The following REDIC1 variants were observed in gnomAD, a reference collection of about 807,000 sequenced individuals.
The protein encoded by REDIC1 is regulator of DNA class I crossover intermediates 1.
the REDIC1 span, among the ~76,000 whole-genome samples, chr12:39,859,873 A>C: frequency 2.6e-5 from 4 of 152,170 alleles, no homozygotes; most frequent in Admixed American, 2.6e-4. Flanking sequence ...CTAGAGGCAT[A>C]GTCCCTTTTG....
chr12:39,670,973 T>G, the REDIC1 span, among the ~76,000 whole-genome samples: 1 of 152,180 alleles, frequency 6.6e-6, no homozygotes, highest in Non-Finnish European at 1.5e-5. Context: ...ATCTGTGTTC[T>G]TTGTTATCTC....
chr12:39,862,031 C>A, the REDIC1 span, among the ~76,000 whole-genome samples: 51 of 152,198 alleles, frequency 3.4e-4, no homozygotes, highest in Non-Finnish European at 6.3e-4. Context: ...TCCCTTCCCC[C>A]ACCACTGCCC....
the REDIC1 span, among the ~76,000 whole-genome samples, chr12:39,774,617 T>C: frequency 6.6e-6 from 1 of 151,168 alleles, no homozygotes; most frequent in Non-Finnish European, 1.5e-5. Flanking sequence ...GTAATTTTCC[T>C]GCAGAAGATT....
the REDIC1 span, among the ~76,000 whole-genome samples, chr12:39,896,586 A>G: frequency 1.3e-4 from 19 of 151,012 alleles, no homozygotes; most frequent in South Asian, 4.2e-4. Context: ...GTGTGTATAT[A>G]TGTATACATA....
the REDIC1 span, among the ~76,000 whole-genome samples, chr12:39,902,258 T>C: frequency 2.0e-5 from 3 of 151,172 alleles, no homozygotes; most frequent in Admixed American, 6.6e-5. Flanking sequence ...AATTAATGGG[T>C]GCAGCACACC....
At chr12:39,748,394 A>G in the REDIC1 span, among the ~76,000 whole-genome samples, 1 of 152,222 alleles carries the variant, frequency 6.6e-6, no homozygotes, top group African/African-American at 2.4e-5. Context: ...TATGCACCCA[A>G]TACAGGAGCA....
At chr12:39,757,849 A>G in the REDIC1 span, 1 of 152,286 alleles carries the variant, frequency 6.6e-6, no homozygotes, top group Non-Finnish European at 1.5e-5. Context: ...ATAAGTATAT[A>G]GTTAGTTAAG....
At chr12:39,896,827 G>A in the REDIC1 span, among the ~76,000 whole-genome samples, 5 of 152,058 alleles carry the variant, frequency 3.3e-5, no homozygotes, top group Non-Finnish European at 7.4e-5. Context: ...TCTGTCAATA[G>A]TGTGACAAAA....
chr12:39,639,877 T>C, the REDIC1 span, among the ~76,000 whole-genome samples: 1 of 152,072 alleles, frequency 6.6e-6, no homozygotes, highest in South Asian at 2.1e-4. Flanking sequence ...TTTGAGACCA[T>C]AGTGTTATGC....
chr12:39,712,163 T>TACATGTATATATACCTGTATGTATATGC, the REDIC1 span, among the ~76,000 whole-genome samples: 1 of 144,222 alleles, frequency 6.9e-6, no homozygotes, highest in Non-Finnish European at 1.5e-5. Context: ...CATGTATATG[T>TACATGTATATATACCTGTATGTATATGC]ACATGTATAT....
the REDIC1 span, among the ~76,000 whole-genome samples, chr12:39,832,236 A>ATC: frequency 6.6e-6 from 1 of 152,116 alleles, no homozygotes; most frequent in Non-Finnish European, 1.5e-5. Flanking sequence ...AGACTAGGCT[A>ATC]ATTTGGAAAG....
At chr12:39,704,665 A>G in the REDIC1 span, among the ~76,000 whole-genome samples, 1 of 152,212 alleles carries the variant, frequency 6.6e-6, no homozygotes, top group East Asian at 1.9e-4. Context: ...AAGACTTGGA[A>G]CCAACCCAAA....
the REDIC1 span, among the ~76,000 whole-genome samples, chr12:39,737,566 C>T: frequency 6.6e-6 from 1 of 152,170 alleles, no homozygotes; most frequent in Non-Finnish European, 1.5e-5. Flanking sequence ...TATGCATAAT[C>T]TCCTTTAATC....
chr12:39,700,238 T>G, the REDIC1 span, among the ~76,000 whole-genome samples: 1 of 151,884 alleles, frequency 6.6e-6, no homozygotes, highest in Non-Finnish European at 1.5e-5. Flanking sequence ...TACAGAGAAG[T>G]GCTTAAAGGA....
At chr12:39,634,225 C>T in the REDIC1 span, among the ~76,000 whole-genome samples, 1 of 152,070 alleles carries the variant, frequency 6.6e-6, no homozygotes, top group African/African-American at 2.4e-5. Flanking sequence ...TGATTTGGCT[C>T]TCTGTTTGTC....
At chr12:39,848,458 C>G in the REDIC1 span, among the ~76,000 whole-genome samples, 1 of 152,084 alleles carries the variant, frequency 6.6e-6, no homozygotes, top group African/African-American at 2.4e-5. Context: ...AAATGCAAAT[C>G]AAAACCACAA....
chr12:39,902,738 A>G, the REDIC1 span, among the ~76,000 whole-genome samples: 22 of 152,214 alleles, frequency 1.4e-4, no homozygotes, highest in Non-Finnish European at 2.9e-4. Context: ...CACTAAGATT[A>G]AAAAAAGATA....
At chr12:39,714,262 C>CATATACGT in the REDIC1 span, among the ~76,000 whole-genome samples, 7 of 108,318 alleles carry the variant, frequency 6.5e-5, 3 homozygotes, top group Non-Finnish European at 1.6e-4. Flanking sequence ...TATATGCATG[C>CATATACGT]ATATATGTAT....
the REDIC1 span, among the ~76,000 whole-genome samples, chr12:39,701,409 C>T: frequency 1.3e-5 from 2 of 152,134 alleles, no homozygotes; most frequent in African/African-American, 4.8e-5. Context: ...TATATGCACC[C>T]AATACAGGAG....
Sources: gnomAD v4.1 joint callset for allele counts (sites outside exome capture counted in the v4.1 genomes callset) on GRCh38, gnomAD v4.1.1 for gene constraint, MANE v1.5 for transcripts, NCBI Gene and HGNC (gene_info 2026-07-23, HGNC 2026-07-21) for gene names.